The following GNA14 variants were observed in gnomAD, a reference collection of about 807,000 sequenced individuals.
The protein encoded by GNA14 is guanine nucleotide-binding protein subunit alpha-14.
GNA14 carries 50 observed loss-of-function variants against 42.0 expected under a neutral mutation model. That is an observed-to-expected ratio of 1.19 (90% CI 0.95 to 1.51). The LOEUF (loss-of-function observed/expected upper bound fraction) is 1.51, where lower values mean the gene tolerates loss of function less well. GNA14 is among the 40% of genes most tolerant of loss of function. The pLI is 0.00. For synonymous variants in GNA14, 173 were observed against 163.1 expected (o/e 1.06, Z -0.46); for missense variants, 473 against 446.2 (o/e 1.06, Z -0.54).
chr9:77,464,250 C>T (rs1211136969), intron 2 of GNA14, among the ~76,000 whole-genome samples: 1 of 152,162 alleles, frequency 6.6e-6, no homozygotes, highest in Non-Finnish European at 1.5e-5. Flanking sequence ...ATCCACCCAC[C>T]TCAGGCTCCC....
At chr9:77,578,525 A>T (rs1823165152) in intron 1 of GNA14, among the ~76,000 whole-genome samples, 1 of 152,192 alleles carries the variant, frequency 6.6e-6, no homozygotes, top group Non-Finnish European at 1.5e-5. Flanking sequence ...ATCAATCTGG[A>T]ACTAGAAAAG....
intron 1 of GNA14, among the ~76,000 whole-genome samples, chr9:77,597,882 T>C (rs1454819776): frequency 6.6e-6 from 1 of 151,842 alleles, no homozygotes; most frequent in East Asian, 2.0e-4. Context: ...GCCAACATGG[T>C]GAAACCCCAT....
chr9:77,600,445 A>C (rs768064238), intron 1 of GNA14, among the ~76,000 whole-genome samples: 5 of 152,216 alleles, frequency 3.3e-5, no homozygotes, highest in Non-Finnish European at 7.3e-5. Flanking sequence ...ATGAATGAGT[A>C]TTCTCCTTGG....
chr9:77,490,776 C>T lies in GNA14; in HGVS notation c.309+38293G>A, dbSNP rs971310818. On this transcript the variant is annotated intron_variant, in intron 2 of 6. Coordinates refer to ENST00000341700, the MANE Select transcript of GNA14 (RefSeq NM_004297.4). The stretch of plus-strand genomic sequence containing the variant: ...GCTCACGCCTCTCCCTCCACACCTC[C>T]CTGCAAGCTGAGGGAGCCAGCTCTG... Among the ~76,000 whole-genome samples the T allele has an allele frequency of 2.6e-5, 4 of 152,350 alleles. No individual in the cohort carries two copies. The East Asian group carries it at 7.8e-4, about 30-fold the overall frequency.
chr9:77,524,039 A>C (rs1326939651), intron 2 of GNA14, among the ~76,000 whole-genome samples: 1 of 152,236 alleles, frequency 6.6e-6, no homozygotes, highest in African/African-American at 2.4e-5. Flanking sequence ...AGACTTAGGA[A>C]CCCTGCCACT....
chr9:77,593,600 G>A (rs914934721), intron 1 of GNA14, among the ~76,000 whole-genome samples: 24 of 152,246 alleles, frequency 1.6e-4, no homozygotes, highest in South Asian at 6.2e-4. Context: ...GTGAGCCACC[G>A]CCCCTGACTT....
chr9:77,554,950 A>G (rs1822748450), intron 1 of GNA14, among the ~76,000 whole-genome samples: 1 of 152,198 alleles, frequency 6.6e-6, no homozygotes, highest in Non-Finnish European at 1.5e-5. Context: ...ACGTTGGTGG[A>G]TGTGTGAGGA....
intron 1 of GNA14, among the ~76,000 whole-genome samples, chr9:77,604,406 G>T (rs1247367100): frequency 2.0e-5 from 3 of 152,200 alleles, no homozygotes; most frequent in Non-Finnish European, 2.9e-5. Context: ...GTGGAAGTCT[G>T]AAGTCAGCAG....
chr9:77,539,220 T>C (rs1837631499), intron 1 of GNA14, among the ~76,000 whole-genome samples: 1 of 152,272 alleles, frequency 6.6e-6, no homozygotes, highest in African/African-American at 2.4e-5. Flanking sequence ...CATGAAGGTA[T>C]GTTGAATTTT....
chr9:77,483,499 G>T (rs1293978036), intron 2 of GNA14, among the ~76,000 whole-genome samples: 1 of 152,160 alleles, frequency 6.6e-6, no homozygotes, highest in South Asian at 2.1e-4. Context: ...GTGCCTCCCA[G>T]TTAGGCTGCT....
At chr9:77,619,034 C>T (rs1823879949) in intron 1 of GNA14, among the ~76,000 whole-genome samples, 1 of 152,048 alleles carries the variant, frequency 6.6e-6, no homozygotes, top group Non-Finnish European at 1.5e-5. Flanking sequence ...TTTAAAATTA[C>T]ATGTGTGGCT....
intron 2 of GNA14, among the ~76,000 whole-genome samples, chr9:77,512,149 G>A (rs1283290892): frequency 6.6e-6 from 1 of 151,260 alleles, no homozygotes; most frequent in African/African-American, 2.4e-5. Context: ...AGACCCAGAA[G>A]CACAGGCATG....
At chr9:77,479,511 T>C (rs908287746) in intron 2 of GNA14, among the ~76,000 whole-genome samples, 1 of 152,186 alleles carries the variant, frequency 6.6e-6, no homozygotes, top group African/African-American at 2.4e-5. Flanking sequence ...TGCGGGCTCT[T>C]TTTTGGTTCC....
At chr9:77,577,185 A>T (rs1823141926) in intron 1 of GNA14, among the ~76,000 whole-genome samples, 1 of 152,216 alleles carries the variant, frequency 6.6e-6, no homozygotes, top group Non-Finnish European at 1.5e-5. Flanking sequence ...CCAAATTAAA[A>T]TTACTCAAGA....
intron 1 of GNA14, among the ~76,000 whole-genome samples, chr9:77,562,591 T>C (rs1016526057): frequency 1.3e-5 from 2 of 152,128 alleles, no homozygotes; most frequent in African/African-American, 4.8e-5. Flanking sequence ...AATGGGTCTA[T>C]TCATACGTGG....
chr9:77,441,299 T>G (rs1225945663), intron 2 of GNA14, among the ~76,000 whole-genome samples: 3 of 152,148 alleles, frequency 2.0e-5, no homozygotes, highest in Non-Finnish European at 4.4e-5. Flanking sequence ...TGAGATGTGA[T>G]GGTTTCCTAA....
rs141049780 is a variant in GNA14, at chr9:77,621,585, C to A, written c.124+26085G>T. Among the ~76,000 whole-genome samples the A allele has an allele frequency of 4.2e-3, 632 of 152,254 alleles. 2 individuals carry two copies. The highest frequency in any genetic ancestry group is 0.014 in the African/African-American group (572 of 41,554). Reference sequence around the variant, plus strand: ...ACCTCTTTCTCATTTCCTCCACCTGCCCCACCCGTTAATATAGACACAAAT... The same window carrying A: ...ACCTCTTTCTCATTTCCTCCACCTGACCCACCCGTTAATATAGACACAAAT... On this transcript the variant is annotated intron_variant, in intron 1 of 6. Transcript: ENST00000341700.
At chr9:77,635,882 A>C (rs184894281) in intron 1 of GNA14, among the ~76,000 whole-genome samples, 1 of 152,170 alleles carries the variant, frequency 6.6e-6, no homozygotes, top group Admixed American at 6.6e-5. Context: ...ATAGGATCAA[A>C]GTTTGTACTT....
At chr9:77,485,864 G>A (rs192654664) in intron 2 of GNA14, among the ~76,000 whole-genome samples, 2 of 152,266 alleles carry the variant, frequency 1.3e-5, no homozygotes, top group African/African-American at 4.8e-5. Context: ...GTCTACAGAT[G>A]GGCTGTCATC....
Sources: allele counts gnomAD v4.1 joint callset (sites outside exome capture counted in the v4.1 genomes callset), GRCh38; gene constraint gnomAD v4.1.1; transcripts MANE v1.5; gene names NCBI Gene and HGNC (gene_info 2026-07-23, HGNC 2026-07-21).